Variants in FBXL7 observed in about 807,000 individuals in gnomAD.
FBXL7 encodes F-box and leucine rich repeat protein 7.
Under a neutral mutation model 38.3 loss-of-function variants are expected in FBXL7, and 12 were observed. The ratio of observed to expected loss-of-function variants is 0.31; its 90% CI spans 0.20 to 0.51. The LOEUF (loss-of-function observed/expected upper bound fraction) is 0.51, where lower values mean the gene tolerates loss of function less well. FBXL7 is among the 20% of genes least tolerant of loss of function. The pLI is 0.98. For synonymous variants in FBXL7, 297 were observed against 300.9 expected, an observed-to-expected ratio of 0.99 and a Z score of 0.13; for missense variants, 567 against 676.4, an observed-to-expected ratio of 0.84 and a Z score of 1.79.
chr5:15,581,023 T>C (rs887843195), intron 1 of FBXL7, among the ~76,000 whole-genome samples: 1 of 152,176 alleles, frequency 6.6e-6, no homozygotes, highest in East Asian at 1.9e-4. Context: ...CAGATGCTGC[T>C]AGCTGGTGAG....
At chr5:15,518,343 C>T (rs1737003062) in intron 1 of FBXL7, among the ~76,000 whole-genome samples, 1 of 152,122 alleles carries the variant, frequency 6.6e-6, no homozygotes, top group Non-Finnish European at 1.5e-5. Flanking sequence ...AGTGAAGGTA[C>T]CATTTTCCTT....
Position 15,867,557 on chromosome 5 carries a change from C to T in FBXL7, c.128-60333C>T, listed in dbSNP as rs1393521494. ...GCCCCTCTGGGAAGTACAATAATGGCCCCCAAAGTGTCTGTATGCCAATCT... is the reference window on the plus strand; with the variant it reads ...GCCCCTCTGGGAAGTACAATAATGGTCCCCAAAGTGTCTGTATGCCAATCT... On this transcript the variant is annotated intron_variant, in intron 2 of 3. Transcript: ENST00000504595. 3.9e-5 allele frequency among the ~76,000 whole-genome samples: 6 copies of T among 152,274 alleles called. No homozygotes were observed. In the East Asian group the frequency reaches 1.2e-3, roughly 29 times the overall value.
chr5:15,677,218 C>A (rs1286546277), intron 2 of FBXL7, among the ~76,000 whole-genome samples: 1 of 152,162 alleles, frequency 6.6e-6, no homozygotes, highest in East Asian at 1.9e-4. Flanking sequence ...GCCGGAAATC[C>A]CAACACTTTG....
chr5:15,859,614 G>A (rs1428861058), intron 2 of FBXL7, among the ~76,000 whole-genome samples: 1 of 152,198 alleles, frequency 6.6e-6, no homozygotes, highest in East Asian at 1.9e-4. Flanking sequence ...GTGTGCAGAG[G>A]AACTCCCTTT....
intron 2 of FBXL7, among the ~76,000 whole-genome samples, chr5:15,880,147 G>A (rs1221940341): frequency 1.4e-4 from 22 of 152,112 alleles, no homozygotes; most frequent in Non-Finnish European, 3.2e-4. Flanking sequence ...ATTACCTCTG[G>A]AAGTAGAGGG....
At chr5:15,604,351 T>G (rs1274615397) in intron 1 of FBXL7, among the ~76,000 whole-genome samples, 1 of 152,002 alleles carries the variant, frequency 6.6e-6, no homozygotes, top group East Asian at 1.9e-4. Context: ...TTAGATAACT[T>G]TTATTTTATT....
chr5:15,636,679 CCTT>C (rs1242764088), intron 2 of FBXL7, among the ~76,000 whole-genome samples: 1 of 129,684 alleles, frequency 7.7e-6, no homozygotes, highest in African/African-American at 3.0e-5. Context: ...AGGGCTAAAA[CCTT>C]TTTTTTTTTT....
intron 2 of FBXL7, among the ~76,000 whole-genome samples, chr5:15,903,524 A>G (rs1184176264): frequency 1.3e-5 from 2 of 152,108 alleles, no homozygotes; most frequent in African/African-American, 2.4e-5. Context: ...TCCAACTGAC[A>G]TTTTTTATGC....
rs180709436 is a variant in FBXL7, at chr5:15,876,403, A to T, written c.128-51487A>T. On this transcript the variant is annotated intron_variant, in intron 2 of 3. Coordinates refer to ENST00000504595, the MANE Select transcript of FBXL7 (RefSeq NM_012304.5). ...TCCCAGAACTTAAAGTATAATAATTAAAAAAAAAAGGTGTTCCCATTATTT... is the reference window on the plus strand; with the variant it reads ...TCCCAGAACTTAAAGTATAATAATTTAAAAAAAAAGGTGTTCCCATTATTT... Among the ~76,000 whole-genome samples, 531 of 148,140 alleles carry T rather than the reference A, an allele frequency of 3.6e-3. 1 individual carries two copies. The highest frequency in any genetic ancestry group is 0.012 in the African/African-American group (495 of 40,186).
At chr5:15,698,504 G>A (rs1418412015) in intron 2 of FBXL7, among the ~76,000 whole-genome samples, 1 of 152,176 alleles carries the variant, frequency 6.6e-6, no homozygotes, top group Non-Finnish European at 1.5e-5. Flanking sequence ...AACTTAAATA[G>A]GGGTGGTGTG....
At position 15,696,626 on chromosome 5, in the gene FBXL7, G is replaced by A. The variant is rs556746246; in HGVS notation, c.127+80554G>A. 3.9e-5 allele frequency among the ~76,000 whole-genome samples: 6 copies of A among 152,286 alleles called. No homozygotes were observed. The East Asian group carries it at 1.2e-3, about 29-fold the overall frequency. On this transcript the variant is annotated intron_variant, in intron 2 of 3. Transcript: ENST00000504595. ...CGGTAAGTTTTCCTCACTATTGGAGGTTTAAATGGAGCCTTGTATTAAATA... is the reference window on the plus strand; with the variant it reads ...CGGTAAGTTTTCCTCACTATTGGAGATTTAAATGGAGCCTTGTATTAAATA...
intron 2 of FBXL7, among the ~76,000 whole-genome samples, chr5:15,761,885 C>T (rs977807294): frequency 3.3e-5 from 5 of 152,158 alleles, no homozygotes; most frequent in Non-Finnish European, 5.9e-5. Context: ...AATAAAAGTG[C>T]TTCATCTTCT....
intron 1 of FBXL7, among the ~76,000 whole-genome samples, chr5:15,502,447 C>T (rs1257141007): frequency 6.6e-6 from 1 of 152,160 alleles, no homozygotes; most frequent in African/African-American, 2.4e-5. Context: ...GCTACCTCTG[C>T]ATTTTCACTT....
intron 1 of FBXL7, among the ~76,000 whole-genome samples, chr5:15,594,632 T>C (rs1739570550): frequency 6.6e-6 from 1 of 152,236 alleles, no homozygotes; most frequent in African/African-American, 2.4e-5. Context: ...CTGAAGAGGC[T>C]GCTGCTAGAG....
intron 2 of FBXL7, among the ~76,000 whole-genome samples, chr5:15,867,477 A>G (rs755491363): frequency 2.6e-5 from 4 of 152,088 alleles, no homozygotes; most frequent in African/African-American, 7.2e-5. Flanking sequence ...TTGTGTTTCA[A>G]CTCCAACAGA....
At chr5:15,722,598 A>AAT (rs1244258313) in intron 2 of FBXL7, among the ~76,000 whole-genome samples, 1 of 152,156 alleles carries the variant, frequency 6.6e-6, no homozygotes, top group East Asian at 1.9e-4. Context: ...CACTAGGAGA[A>AAT]ATTCATAGAA....
chr5:15,765,308 G>A (rs1736555823), intron 2 of FBXL7, among the ~76,000 whole-genome samples: 1 of 152,064 alleles, frequency 6.6e-6, no homozygotes, highest in African/African-American at 2.4e-5. Context: ...ATTCACAAAT[G>A]TTATGCACTC....
rs114532274 is a variant in FBXL7, at chr5:15,713,411, A to T, written c.127+97339A>T. 6.8e-3 allele frequency among the ~76,000 whole-genome samples: 1,037 copies of T among 152,246 alleles called. 10 individuals carry two copies. Among genetic ancestry groups the T allele is most frequent in the African/African-American group, 0.024 (978 of 41,548 alleles). On this transcript the variant is annotated intron_variant, in intron 2 of 3. Transcript: ENST00000504595. The stretch of plus-strand genomic sequence containing the variant: ...GAGATTTGGGTGGGGACACAGCCAA[A>T]CCATATCATCCCTTCTTATGCTTCT...
intron 2 of FBXL7, among the ~76,000 whole-genome samples, chr5:15,668,113 A>G (rs1251942113): frequency 6.6e-6 from 1 of 152,180 alleles, no homozygotes; most frequent in East Asian, 1.9e-4. Context: ...CTGATGAGCC[A>G]TCTAATCCAG....
Sources: gnomAD v4.1 joint callset for allele counts (sites outside exome capture counted in the v4.1 genomes callset) on GRCh38, gnomAD v4.1.1 for gene constraint, MANE v1.5 for transcripts, NCBI Gene and HGNC (gene_info 2026-07-23, HGNC 2026-07-21) for gene names.